The following DPP10 variants were observed in gnomAD, a reference collection of about 807,000 sequenced individuals.
The protein encoded by DPP10 is dipeptidyl peptidase like 10.
DPP10 carries 33 observed loss-of-function variants against 120.9 expected under a neutral mutation model. The ratio of observed to expected loss-of-function variants is 0.27; its 90% CI spans 0.21 to 0.37. The LOEUF is 0.37. Ranked by LOEUF, DPP10 falls within the 10% of genes least tolerant of loss-of-function variation. DPP10 has a pLI of 1.00. For synonymous variants in DPP10, 337 were observed against 326.1 expected (o/e 1.03, Z -0.36); for missense variants, 816 against 942.8 (o/e 0.87, Z 1.76).
At chr2:115,126,670 C>T (rs145329277) in intron 1 of DPP10, among the ~76,000 whole-genome samples, 97 of 152,076 alleles carry the variant, frequency 6.4e-4, no homozygotes, top group East Asian at 5.6e-3. Context: ...CTTGCTGTTC[C>T]GATGCTCTCT....
intron 3 of DPP10, among the ~76,000 whole-genome samples, chr2:115,381,886 CA>C (rs1309203457): frequency 2.0e-5 from 3 of 151,874 alleles, no homozygotes; most frequent in African/African-American, 7.3e-5. Context: ...GTCAGGGACC[CA>C]CTTGAGGAGG....
chr2:115,407,983 G>A (rs1460305211), intron 3 of DPP10, among the ~76,000 whole-genome samples: 1 of 152,016 alleles, frequency 6.6e-6, no homozygotes, highest in Non-Finnish European at 1.5e-5. Context: ...GAGAGCAAGC[G>A]TCCCTGATTC....
intron 1 of DPP10, among the ~76,000 whole-genome samples, chr2:114,551,384 A>C (rs777611973): frequency 6.6e-6 from 1 of 152,170 alleles, no homozygotes; most frequent in Non-Finnish European, 1.5e-5. Context: ...CAAGTGATCA[A>C]GGCTATAATT....
At chr2:114,732,402 A>G (rs1677007626) in intron 1 of DPP10, among the ~76,000 whole-genome samples, 2 of 152,206 alleles carry the variant, frequency 1.3e-5, no homozygotes, top group Non-Finnish European at 2.9e-5. Flanking sequence ...AACTCCAAAC[A>G]TTAGCAGAAA....
At chr2:115,421,057 C>G (rs951548640) in intron 3 of DPP10, among the ~76,000 whole-genome samples, 1 of 151,916 alleles carries the variant, frequency 6.6e-6, no homozygotes, top group Admixed American at 6.6e-5. Flanking sequence ...CAGAAGGCAA[C>G]CTTTCTACCC....
chr2:115,113,134 T>C (rs2049315351), intron 1 of DPP10, among the ~76,000 whole-genome samples: 1 of 151,944 alleles, frequency 6.6e-6, no homozygotes, highest in African/African-American at 2.4e-5. Flanking sequence ...TTTTATATAA[T>C]CATAACATGT....
chr2:114,763,067 T>G (rs10187047), intron 1 of DPP10, among the ~76,000 whole-genome samples: 7,686 of 152,036 alleles, frequency 0.051, 246 homozygotes, highest in South Asian at 0.11. Flanking sequence ...TAGGTGAGGA[T>G]AAATTTTCCA....
At chr2:115,585,786 A>G (rs900905912) in intron 5 of DPP10, among the ~76,000 whole-genome samples, 8 of 152,118 alleles carry the variant, frequency 5.3e-5, no homozygotes, top group Non-Finnish European at 1.2e-4. Context: ...GTGGACATCT[A>G]TCTATCTATC....
chr2:114,972,541 A>T (rs912891527), intron 1 of DPP10, among the ~76,000 whole-genome samples: 13 of 152,172 alleles, frequency 8.5e-5, no homozygotes, highest in African/African-American at 3.1e-4. Flanking sequence ...AACAGGGTGG[A>T]TCTCAGGATG....
At chr2:114,516,175 GA>G (rs1430500518) in intron 1 of DPP10, among the ~76,000 whole-genome samples, 1 of 152,180 alleles carries the variant, frequency 6.6e-6, no homozygotes, top group African/African-American at 2.4e-5. Context: ...AACTGTTCTA[GA>G]AAGAGAGTCC....
intron 1 of DPP10, among the ~76,000 whole-genome samples, chr2:114,446,372 A>G (rs544106940): frequency 6.6e-6 from 1 of 152,274 alleles, no homozygotes; most frequent in African/African-American, 2.4e-5. Flanking sequence ...AAAATCCTTC[A>G]TCCTTTTTGA....
At chr2:114,620,909 A>G (rs776394239) in intron 1 of DPP10, among the ~76,000 whole-genome samples, 2 of 152,064 alleles carry the variant, frequency 1.3e-5, no homozygotes, top group African/African-American at 2.4e-5. Context: ...CATTCATCGA[A>G]TCTGGTGGAA....
chr2:115,506,616 T>C (rs2076955031), intron 4 of DPP10, among the ~76,000 whole-genome samples: 1 of 152,134 alleles, frequency 6.6e-6, no homozygotes, highest in Non-Finnish European at 1.5e-5. Flanking sequence ...GTGGAATTTT[T>C]ACTTAAACCT....
At chr2:115,224,223 T>C (rs1291267644) in intron 1 of DPP10, among the ~76,000 whole-genome samples, 2 of 152,074 alleles carry the variant, frequency 1.3e-5, no homozygotes, top group Non-Finnish European at 2.9e-5. Flanking sequence ...GGGATTTGAA[T>C]GGGCTTTCCT....
At chr2:114,625,743 C>A (rs1348891219) in intron 1 of DPP10, among the ~76,000 whole-genome samples, 1 of 151,910 alleles carries the variant, frequency 6.6e-6, no homozygotes, top group Non-Finnish European at 1.5e-5. Flanking sequence ...CATCTTTGGG[C>A]AGTGAAAGCT....
intron 19 of DPP10, among the ~76,000 whole-genome samples, chr2:115,794,515 T>A (rs1684333769): frequency 1.3e-5 from 2 of 152,194 alleles, no homozygotes; most frequent in Non-Finnish European, 1.5e-5. Context: ...CAATGTCACA[T>A]TAAAAAGAGT....
intron 1 of DPP10, among the ~76,000 whole-genome samples, chr2:114,761,785 C>G (rs553137206): frequency 3.2e-4 from 48 of 152,272 alleles, no homozygotes; most frequent in African/African-American, 9.6e-4. Context: ...CATATTACTG[C>G]TAAGAAACTG....
chr2:114,939,603 C>T (rs952434322), intron 1 of DPP10, among the ~76,000 whole-genome samples: 1 of 151,824 alleles, frequency 6.6e-6, no homozygotes, highest in African/African-American at 2.4e-5. Flanking sequence ...AAAGAAAAAC[C>T]CAAGATATAG....
At chr2:115,215,979 A>G (rs747214903) in intron 1 of DPP10, among the ~76,000 whole-genome samples, 24 of 152,228 alleles carry the variant, frequency 1.6e-4, no homozygotes, top group Non-Finnish European at 2.8e-4. Flanking sequence ...CAGCCAAAAG[A>G]GAATGAAATT....
Sources: gnomAD v4.1 joint callset for allele counts (sites outside exome capture counted in the v4.1 genomes callset) on GRCh38, gnomAD v4.1.1 for gene constraint, MANE v1.5 for transcripts, NCBI Gene and HGNC (gene_info 2026-07-23, HGNC 2026-07-21) for gene names.